TMEM132C: variants seen among roughly 807,000 people sequenced by gnomAD.
TMEM132C encodes the protein transmembrane protein 132C.
In TMEM132C, 29 loss-of-function variants were observed where a neutral mutation model predicts 61.4. That is an observed-to-expected ratio of 0.47 (90% confidence interval 0.35 to 0.64). The LOEUF is 0.64. Among genes scored for constraint, TMEM132C ranks in the 30% least tolerant of loss-of-function variants. TMEM132C has a pLI of 0.00. For missense variants in TMEM132C, 1,408 were observed against 1,476.9 expected, an observed-to-expected ratio of 0.95 and a Z score of 0.76; for synonymous variants, 656 against 633.1, an observed-to-expected ratio of 1.04 and a Z score of -0.54.
chr12:128,382,943 GGTGTGTGTGTATGTAT>G (rs1302906824), intron 1 of TMEM132C, among the ~76,000 whole-genome samples: 2 of 151,008 alleles, frequency 1.3e-5, no homozygotes, highest in Non-Finnish European at 3.0e-5. Context: ...TGTGTATGTG[GGTGTGTGTGTATGTAT>G]GTGTGTGTGT....
intron 2 of TMEM132C, among the ~76,000 whole-genome samples, chr12:128,425,689 C>T (rs373071446): frequency 3.9e-5 from 6 of 152,194 alleles, no homozygotes; most frequent in Non-Finnish European, 7.3e-5. Context: ...AGAGAAGGCC[C>T]TTCCTTGCCT....
chr12:128,544,721 G>T (rs1873889011), intron 3 of TMEM132C, among the ~76,000 whole-genome samples: 1 of 152,152 alleles, frequency 6.6e-6, no homozygotes, highest in Non-Finnish European at 1.5e-5. Context: ...TCCTTCCAGG[G>T]TGTTATACCT....
At chr12:128,321,746 A>G (rs1042866976) in intron 1 of TMEM132C, among the ~76,000 whole-genome samples, 8 of 152,210 alleles carry the variant, frequency 5.3e-5, no homozygotes, top group African/African-American at 1.9e-4. Flanking sequence ...ATTGGGAGAA[A>G]CTGGGTAGAG....
chr12:128,375,941 A>G (rs1874178010), intron 1 of TMEM132C, among the ~76,000 whole-genome samples: 1 of 152,182 alleles, frequency 6.6e-6, no homozygotes, highest in African/African-American at 2.4e-5. Flanking sequence ...GACTTTGCAT[A>G]CCTAGGCAAG....
At chr12:128,528,941 C>T (rs183530457) in intron 2 of TMEM132C, among the ~76,000 whole-genome samples, 15 of 152,194 alleles carry the variant, frequency 9.9e-5, no homozygotes, top group East Asian at 3.9e-4. Flanking sequence ...CGGGACTCAG[C>T]GGGGATTTTA....
intron 1 of TMEM132C, among the ~76,000 whole-genome samples, chr12:128,344,074 C>G (rs1289129853): frequency 6.6e-6 from 1 of 152,156 alleles, no homozygotes; most frequent in Non-Finnish European, 1.5e-5. Flanking sequence ...CTTGTTTCCA[C>G]CTTTTGGCTA....
Position 128,487,884 on chromosome 12 carries a change from A to G in TMEM132C, c.975-56073A>G, listed in dbSNP as rs118151196. Among the ~76,000 whole-genome samples the G allele has an allele frequency of 2.1e-3, 321 of 152,250 alleles. 9 individuals are homozygous for G. The East Asian group carries it at 0.041, about 19-fold the overall frequency. Reference sequence around the variant, plus strand: ...CTCATTCTCTAGATCTGCACTGTCAATGAAGTACTCACTAGCCATGTGTGG... The same window carrying G: ...CTCATTCTCTAGATCTGCACTGTCAGTGAAGTACTCACTAGCCATGTGTGG... On this transcript the variant is annotated intron_variant, in intron 2 of 8. Transcript: ENST00000435159.
At chr12:128,463,208 A>G (rs184324135) in intron 2 of TMEM132C, among the ~76,000 whole-genome samples, 23 of 152,268 alleles carry the variant, frequency 1.5e-4, no homozygotes, top group African/African-American at 4.1e-4. Context: ...ACCTACCGCA[A>G]TTATATCAGA....
At chr12:128,405,748 C>T (rs186469536) in intron 1 of TMEM132C, among the ~76,000 whole-genome samples, 26 of 152,262 alleles carry the variant, frequency 1.7e-4, no homozygotes, top group African/African-American at 6.3e-4. Context: ...TTAGTAAGCT[C>T]CTGGACTGAT....
chr12:128,508,488 G>A (rs985089488), intron 2 of TMEM132C, among the ~76,000 whole-genome samples: 6 of 152,224 alleles, frequency 3.9e-5, no homozygotes, highest in Non-Finnish European at 8.8e-5. Context: ...GGGAGGCGGA[G>A]TGGGGACATG....
chr12:128,381,157 G>A (rs930507983), intron 1 of TMEM132C, among the ~76,000 whole-genome samples: 2 of 152,198 alleles, frequency 1.3e-5, no homozygotes, highest in Non-Finnish European at 2.9e-5. Flanking sequence ...ACAGTACAAC[G>A]CGGGCATATT....
At chr12:128,581,251 G>C (rs1482337254) in intron 3 of TMEM132C, among the ~76,000 whole-genome samples, 1 of 151,750 alleles carries the variant, frequency 6.6e-6, no homozygotes, top group African/African-American at 2.4e-5. Context: ...CCCATTCCGG[G>C]AATCTTTTTT....
At chr12:128,268,888 G>C (rs1330682895) in intron 1 of TMEM132C, among the ~76,000 whole-genome samples, 3 of 94,924 alleles carry the variant, frequency 3.2e-5, no homozygotes, top group Non-Finnish European at 6.7e-5. Context: ...GGTGAGAGAG[G>C]GGGGGGAAGA....
intron 1 of TMEM132C, among the ~76,000 whole-genome samples, chr12:128,357,982 C>T (rs1440397359): frequency 6.6e-6 from 1 of 152,100 alleles, no homozygotes; most frequent in African/African-American, 2.4e-5. Context: ...CAGGAGTGTC[C>T]TTGGTCCCCG....
At position 128,508,162 on chromosome 12, in the gene TMEM132C, C is replaced by T. The variant is rs142328511; in HGVS notation, c.975-35795C>T. Among the ~76,000 whole-genome samples the T allele has an allele frequency of 2.8e-3, 429 of 152,180 alleles. 3 individuals are homozygous for T. The highest frequency in any genetic ancestry group is 9.8e-3 in the African/African-American group (408 of 41,524). ...GTTCCACATGGCTGGGGAGGCCTCA[C>T]GATCATGGCAGAAGGCGATGAGGGA... On this transcript the variant is annotated intron_variant, in intron 2 of 8. Transcript: ENST00000435159.
intron 1 of TMEM132C, among the ~76,000 whole-genome samples, chr12:128,316,061 G>A (rs1872141990): frequency 6.6e-6 from 1 of 151,992 alleles, no homozygotes. Flanking sequence ...CCAAGAGACA[G>A]ATTGAAGTGC....
intron 2 of TMEM132C, among the ~76,000 whole-genome samples, chr12:128,458,405 T>C (rs2136065673): frequency 6.6e-6 from 1 of 151,948 alleles, no homozygotes; most frequent in South Asian, 2.1e-4. Context: ...CAATTTAGTT[T>C]CTTAATTTTA....
intron 4 of TMEM132C, among the ~76,000 whole-genome samples, chr12:128,641,784 C>A (rs537335452): frequency 6.6e-6 from 1 of 152,046 alleles, no homozygotes; most frequent in Non-Finnish European, 1.5e-5. Context: ...ATTATTTTCC[C>A]GTTTTTATTT....
At chr12:128,431,679 C>T (rs553539350) in intron 2 of TMEM132C, among the ~76,000 whole-genome samples, 4 of 151,206 alleles carry the variant, frequency 2.6e-5, no homozygotes, top group Non-Finnish European at 4.4e-5. Flanking sequence ...CTCTGCCTGC[C>T]GAGGAGTTGG....
Sources: gnomAD v4.1 joint callset for allele counts (sites outside exome capture counted in the v4.1 genomes callset) on GRCh38, gnomAD v4.1.1 for gene constraint, MANE v1.5 for transcripts, NCBI Gene and HGNC (gene_info 2026-07-23, HGNC 2026-07-21) for gene names.